DYNC2H1: variants seen among roughly 807,000 people sequenced by gnomAD.
The protein encoded by DYNC2H1 is cytoplasmic dynein 2 heavy chain 1.
A neutral mutation model predicts 570.0 loss-of-function variants in DYNC2H1; 410 were observed. That is an observed-to-expected ratio of 0.72 (90% CI 0.66 to 0.78). DYNC2H1 has a LOEUF of 0.78. DYNC2H1 is among the 30% of genes least tolerant of loss of function. The pLI is 0.00. For synonymous variants in DYNC2H1, 1,688 were observed against 1,677.6 expected, an observed-to-expected ratio of 1.01 and a Z score of -0.15; for missense variants, 4,865 against 5,046.4, an observed-to-expected ratio of 0.96 and a Z score of 1.09.
At chr11:103,291,445 A>AAATAAATAAATAAATAAAT (rs1866595864) in intron 75 of DYNC2H1, among the ~76,000 whole-genome samples, 1 of 151,632 alleles carries the variant, frequency 6.6e-6, no homozygotes, top group African/African-American at 2.4e-5. Context: ...CTCAATAAAT[A>AAATAAATAAATAAATAAAT]AATAAATAAA....
intron 17 of DYNC2H1, among the ~76,000 whole-genome samples, chr11:103,141,216 A>T (rs1859903762): frequency 6.6e-6 from 1 of 152,180 alleles, no homozygotes; most frequent in South Asian, 2.1e-4. Context: ...CGTCAAAGTC[A>T]TTCTCCGTCC....
At position 103,245,218 on chromosome 11, in the gene DYNC2H1, ATAATT is replaced by A. The variant is rs1565426732; in HGVS notation, c.9919-32_9919-28del. The A allele has an allele frequency of 2.8e-6, 4 of 1,426,190 alleles. No homozygotes were observed. The Admixed American group carries it at 1.0e-4, about 36-fold the overall frequency. The allele number at this position is 1,426,190 out of a possible 1,614,324, so 88.3% of individuals were successfully genotyped here. A position where few individuals can be genotyped will look rare whatever the true frequency, so the allele number is the denominator to read the frequency against. Reference sequence around the variant, plus strand: ...TGTTTGTAAATATTAAAGTAATTAAATAATTAATACGTATTCTTTTTTATTCAATT... The same window carrying A: ...TGTTTGTAAATATTAAAGTAATTAAAAATACGTATTCTTTTTTATTCAATT... On this transcript the variant is annotated intron_variant, in intron 64 of 88. Coordinates refer to ENST00000375735, the MANE Select transcript of DYNC2H1 (RefSeq NM_001377.3). This position sits in a 1 kb window ranked among gnomAD's most constrained non-coding sequence, Gnocchi z 4.5.
At chr11:103,193,587 A>G (rs1255646059) in intron 47 of DYNC2H1, among the ~76,000 whole-genome samples, 2 of 149,386 alleles carry the variant, frequency 1.3e-5, no homozygotes, top group Admixed American at 6.7e-5. Context: ...CTTGTTGCCC[A>G]GGCTGGAGCG....
chr11:103,251,946 G>C (rs1317435097), intron 65 of DYNC2H1, among the ~76,000 whole-genome samples: 2 of 151,682 alleles, frequency 1.3e-5, no homozygotes, highest in African/African-American at 4.9e-5. Context: ...TTTAGAACAG[G>C]GTCTGACTCT....
At position 103,245,271 on chromosome 11, in the gene DYNC2H1, T is replaced by C. The variant is rs192003811; in HGVS notation, c.9939T>C (p.Ala3313=). The C allele has an allele frequency of 4.7e-3, 7,192 of 1,544,904 alleles. 25 individuals are homozygous for C. The highest frequency in any genetic ancestry group is 5.8e-3 in the Non-Finnish European group (6,619 of 1,142,200). Residue 3313 remains alanine (A), a synonymous_variant, in exon 65 of 89, where the codon GCT becomes GCC. Coordinates refer to ENST00000375735, the MANE Select transcript of DYNC2H1 (RefSeq NM_001377.3). This position sits in a 1 kb window ranked among gnomAD's most constrained non-coding sequence, Gnocchi z 4.5. ...ATTAGGATAGTAACTTTATCACAGC[T>C]CTTGAATTAGCAGTACGTTTTGGGA... The part of the protein sequence containing the change: ...INQQDSNFIT[A]LELAVRFGKT...
In DYNC2H1 at chr11:103,117,890, G is replaced by T. The variant is rs372670065; in HGVS notation, c.999+27G>T. On this transcript the variant is annotated intron_variant, in intron 6 of 88. Transcript: ENST00000375735. ...TATCAATTTGATTATCTAGATCTTT[G>T]TCTTTAAATGTAAAGTGTATCTTCA... 3 of 1,547,586 alleles carry T rather than the reference G, an allele frequency of 1.9e-6. No homozygotes were observed. The African/African-American group carries it at 4.1e-5, about 21-fold the overall frequency.
chr11:103,334,833 AG>A lies in DYNC2H1; in HGVS notation c.12039+10844del, dbSNP rs1212633034. 6.6e-6 allele frequency among the ~76,000 whole-genome samples: 1 copy of A among 152,124 alleles called. No homozygotes were observed. Among genetic ancestry groups the A allele is most frequent in the Non-Finnish European group, 1.5e-5 (1 of 67,960 alleles). On this transcript the variant is annotated intron_variant, in intron 82 of 88. Transcript: ENST00000375735. The surrounding 1 kb of genome is among the most constrained non-coding windows in gnomAD (Gnocchi z 4.3). ...AGTATGATAGTTTTGCAGAATACAA[AG>A]ATTGCTGTGGAGTAATCTTTCCACA...
chr11:103,282,920 C>A, intron 72 of DYNC2H1, 88 bp from the exon 73 acceptor site: 3 of 974,504 alleles, frequency 3.1e-6, no homozygotes, highest in South Asian at 1.7e-5. Context: ...GAATTTTTTT[C>A]AAAATAATAA....
intron 6 of DYNC2H1, among the ~76,000 whole-genome samples, chr11:103,118,716 G>A (rs562957456): frequency 6.6e-6 from 1 of 152,190 alleles, no homozygotes; most frequent in Admixed American, 6.5e-5. Flanking sequence ...TTGCAGACAA[G>A]GTGCACCCAT....
intron 87 of DYNC2H1, among the ~76,000 whole-genome samples, chr11:103,459,308 C>CAA (rs33941099): frequency 1.9e-4 from 10 of 52,428 alleles, no homozygotes; most frequent in African/African-American, 4.6e-4. Context: ...GACTCCGTCT[C>CAA]AAAAAAAAAA....
intron 79 of DYNC2H1, among the ~76,000 whole-genome samples, chr11:103,313,093 A>G (rs776421016): frequency 6.6e-6 from 1 of 152,182 alleles, no homozygotes; most frequent in Non-Finnish European, 1.5e-5. Flanking sequence ...TCTTTCTAAT[A>G]TCTGAGTTTG....
At position 103,252,299 on chromosome 11, in the gene DYNC2H1, ATAAT is replaced by A. The variant is rs1368532275; in HGVS notation, c.10043-985_10043-982del. 1.3e-5 allele frequency among the ~76,000 whole-genome samples: 2 copies of A among 152,092 alleles called. No homozygotes were observed. Among genetic ancestry groups the A allele is most frequent in the Non-Finnish European group, 2.9e-5 (2 of 68,004 alleles). Reference sequence around the variant, plus strand: ...TGTTTCCATGTCTTGGCTGTTGTGAATAATGCTGTGAAGAAATGGGAGTGCAGAT... The same window carrying A: ...TGTTTCCATGTCTTGGCTGTTGTGAAGCTGTGAAGAAATGGGAGTGCAGAT... On this transcript the variant is annotated intron_variant, in intron 65 of 88. Transcript: ENST00000375735. The surrounding 1 kb of genome is among the most constrained non-coding windows in gnomAD (Gnocchi z 4.6).
chr11:103,355,455 T>C (rs900272575), intron 82 of DYNC2H1, among the ~76,000 whole-genome samples: 4 of 152,070 alleles, frequency 2.6e-5, no homozygotes, highest in African/African-American at 7.2e-5. Context: ...TTATGCCAAA[T>C]AGGACAAAAC....
In DYNC2H1 at chr11:103,187,524, G is replaced by T. The variant is rs1862122217; in HGVS notation, c.7078G>T (p.Asp2360Tyr). 1.9e-6 allele frequency: 3 copies of T among 1,613,280 alleles called. No homozygotes were observed. Among genetic ancestry groups the T allele is most frequent in the South Asian group, 1.1e-5 (1 of 91,066 alleles). Residue 2360 changes from aspartate to tyrosine, a missense_variant, in exon 43 of 89, where the codon GAT becomes TAT. This residue lies in a region of DYNC2H1 where 2,401 missense variants were observed against 2,454.6 expected (regional missense o/e 0.98). Transcript: ENST00000375735. The stretch of plus-strand genomic sequence containing the variant: ...TGAAAGACTTGTTCTGTACTTAAAA[G>T]ATATCAACCTACCTAAACTTGATAA... ...DCERLVLYLKDINLPKLDKWG... is the reference protein window; with the variant it reads ...DCERLVLYLKYINLPKLDKWG...
At chr11:103,365,322 T>G (rs1408856807) in intron 83 of DYNC2H1, among the ~76,000 whole-genome samples, 1 of 151,524 alleles carries the variant, frequency 6.6e-6, no homozygotes, top group Non-Finnish European at 1.5e-5. Context: ...GATCGCACCA[T>G]TGCACTCCAG....
At position 103,177,415 on chromosome 11, in the gene DYNC2H1, C is replaced by T; in HGVS notation, c.5875-141C>T. The T allele has an allele frequency of 1.5e-6, 1 of 673,792 alleles. No homozygotes were observed. Among genetic ancestry groups the T allele is most frequent in the Non-Finnish European group, 2.4e-6 (1 of 422,144 alleles). The allele number at this position is 673,792 out of a possible 1,614,324, so 41.7% of individuals were successfully genotyped here. The stretch of plus-strand genomic sequence containing the variant: ...ATATGTTCAGATTTATTTAGGTAGT[C>T]TATTACATTTTAGGCAATACCTTCC... On this transcript the variant is annotated intron_variant, in intron 37 of 88. Transcript: ENST00000375735. This position sits in a 1 kb window ranked among gnomAD's most constrained non-coding sequence, Gnocchi z 4.4.
At position 103,116,574 on chromosome 11, in the gene DYNC2H1, T is replaced by C; in HGVS notation, c.626T>C (p.Phe209Ser). 6.4e-7 allele frequency: 1 copy of C among 1,573,526 alleles called. No homozygotes were observed. The highest frequency in any genetic ancestry group is 1.2e-5 in the South Asian group (1 of 82,244). The change falls in exon 5 of 89, where the codon TTT becomes TCT. Residue 209 changes from phenylalanine to serine, a missense_variant. Around this residue, in one of 5 missense-constraint regions of DYNC2H1, gnomAD observed 1,936 missense variants for 1,962.1 expected, o/e 0.99. Transcript: ENST00000375735. Reference protein sequence around the residue: ...KELFETIAREFYNLDSLSLLE... With the variant: ...KELFETIARESYNLDSLSLLE... ...AATTAATGCATTTTTTTCTAGGAGT[T>C]TTATAACTTGGACAGTCTATCCTTA...
chr11:103,200,297 A>G, intron 50 of DYNC2H1, 143 bp downstream of exon 50: 2 of 585,210 alleles, frequency 3.4e-6, no homozygotes, highest in Admixed American at 3.7e-5. Context: ...AAACATGCTC[A>G]TGGCAGGAGA....
intron 70 of DYNC2H1, among the ~76,000 whole-genome samples, chr11:103,270,120 G>A (rs1389390956): frequency 3.3e-5 from 5 of 151,642 alleles, no homozygotes; most frequent in Non-Finnish European, 7.4e-5. Flanking sequence ...TTGAACCCAG[G>A]AGGTGGAGGT....
Sources: gnomAD v4.1 joint callset for allele counts (sites outside exome capture counted in the v4.1 genomes callset) on GRCh38, gnomAD v4.1.1 for gene constraint, gnomAD v4.1.1 regional missense constraint, Gnocchi (gnomAD v3.1) non-coding constraint, MANE v1.5 for transcripts, NCBI Gene and HGNC (gene_info 2026-07-23, HGNC 2026-07-21) for gene names.